Variants in UBE2O observed in about 807,000 individuals in gnomAD.
UBE2O encodes the protein (E3-independent) E2 ubiquitin-conjugating enzyme.
In UBE2O, 15 loss-of-function variants were observed where a neutral mutation model predicts 125.8. The observed-to-expected ratio is 0.12, with a 90% CI of 0.08 to 0.18. UBE2O has a LOEUF of 0.18. Among genes scored for constraint, UBE2O ranks in the 10% least tolerant of loss-of-function variants. UBE2O has a pLI of 1.00. For synonymous variants in UBE2O, 708 were observed against 703.2 expected (o/e 1.01, Z -0.11); for missense variants, 1,280 against 1,723.6 (o/e 0.74, Z 4.56).
chr17:76,427,894 C>CA (rs1567849512), intron 1 of UBE2O, among the ~76,000 whole-genome samples: 2 of 152,188 alleles, frequency 1.3e-5, no homozygotes, highest in Non-Finnish European at 2.9e-5. Flanking sequence ...CTCCATGCTT[C>CA]ACGTGTTCAT....
At chr17:76,423,305 G>A (rs1238017898) in intron 1 of UBE2O, among the ~76,000 whole-genome samples, 2 of 152,054 alleles carry the variant, frequency 1.3e-5, no homozygotes, top group East Asian at 3.9e-4. Context: ...CTTAAGCCCA[G>A]GAATTCGACG....
chr17:76,437,876 G>A (rs961917422), intron 1 of UBE2O, among the ~76,000 whole-genome samples: 13 of 152,206 alleles, frequency 8.5e-5, no homozygotes, highest in Admixed American at 1.3e-4. Context: ...GCAATTATGA[G>A]GTTATGAAAT....
chr17:76,413,952 C>T (rs539040407), intron 1 of UBE2O, among the ~76,000 whole-genome samples: 1 of 152,342 alleles, frequency 6.6e-6, no homozygotes, highest in African/African-American at 2.4e-5. Flanking sequence ...GCCCGAGTTT[C>T]CAGTTTGGAC....
At chr17:76,444,332 T>C (rs760188089) in intron 1 of UBE2O, among the ~76,000 whole-genome samples, 69 of 152,168 alleles carry the variant, frequency 4.5e-4, no homozygotes, top group African/African-American at 1.4e-3. Context: ...GAGGATCACT[T>C]GGGGTCAGGA....
In UBE2O at chr17:76,405,199, G is replaced by A; in HGVS notation, c.588+7C>T. 10 of 1,597,528 alleles carry A rather than the reference G, an allele frequency of 6.3e-6. No individual in the cohort carries two copies. Among genetic ancestry groups the A allele is most frequent in the South Asian group, 1.1e-5 (1 of 89,588 alleles). On this transcript the variant is annotated splice_region_variant and intron_variant, in intron 3 of 17. Transcript: ENST00000319380. The surrounding 1 kb of genome is among the most constrained non-coding windows in gnomAD (Gnocchi z 6.1). ...GAAAGGATGATGAGAAGACAGGGCC[G>A]GCTCACCCAGATGTGCTGCAGGTCC... is the stretch of plus-strand genomic sequence containing the variant.
chr17:76,423,721 T>A (rs1054439401), intron 1 of UBE2O, among the ~76,000 whole-genome samples: 1 of 147,318 alleles, frequency 6.8e-6, no homozygotes, highest in Non-Finnish European at 1.5e-5. Flanking sequence ...AATAAATAAA[T>A]AAATAAAAAA....
At chr17:76,406,207 T>A (rs903830929) in intron 1 of UBE2O, among the ~76,000 whole-genome samples, 2 of 152,224 alleles carry the variant, frequency 1.3e-5, no homozygotes, top group Non-Finnish European at 2.9e-5. Flanking sequence ...AGCACCTGAT[T>A]GTCTCTTTAC....
At chr17:76,416,933 G>C (rs1007439613) in intron 1 of UBE2O, among the ~76,000 whole-genome samples, 2 of 152,186 alleles carry the variant, frequency 1.3e-5, no homozygotes, top group East Asian at 1.9e-4. Flanking sequence ...GCTGCGGCTG[G>C]TCACATGGAG....
chr17:76,408,335 C>T (rs1053604863), intron 1 of UBE2O, among the ~76,000 whole-genome samples: 7 of 152,198 alleles, frequency 4.6e-5, no homozygotes, highest in Non-Finnish European at 1.0e-4. Flanking sequence ...TCACTGTCTT[C>T]GCCCATGAGG....
At chr17:76,436,396 A>C (rs535612613) in intron 1 of UBE2O, among the ~76,000 whole-genome samples, 4 of 152,220 alleles carry the variant, frequency 2.6e-5, no homozygotes, top group Non-Finnish European at 5.9e-5. Context: ...TTTTGTATTA[A>C]GTATATAAAT....
chr17:76,393,133 C>T (rs1179746231), intron 15 of UBE2O, among the ~76,000 whole-genome samples: 1 of 151,568 alleles, frequency 6.6e-6, no homozygotes, highest in African/African-American at 2.4e-5. Flanking sequence ...TGGTGCATAC[C>T]TACAGTCCCA....
intron 1 of UBE2O, among the ~76,000 whole-genome samples, chr17:76,449,962 A>G (rs2073210267): frequency 6.6e-6 from 1 of 151,872 alleles, no homozygotes; most frequent in South Asian, 2.1e-4. Flanking sequence ...CAAAACCATC[A>G]CTACTGTAGT....
chr17:76,429,190 G>A (rs545790415), intron 1 of UBE2O, among the ~76,000 whole-genome samples: 11 of 151,652 alleles, frequency 7.3e-5, no homozygotes, highest in South Asian at 4.2e-4. Context: ...ATGAGCCACC[G>A]CGTCCAGCCA....
intron 1 of UBE2O, among the ~76,000 whole-genome samples, chr17:76,434,404 A>G (rs1293808421): frequency 2.0e-5 from 3 of 152,162 alleles, no homozygotes. Context: ...ACGCGTAGGA[A>G]ACACAGTCCT....
chr17:76,414,486 G>A (rs984497536), intron 1 of UBE2O, among the ~76,000 whole-genome samples: 5 of 152,242 alleles, frequency 3.3e-5, no homozygotes, highest in African/African-American at 1.2e-4. Context: ...GGTGGGGGAA[G>A]GCAGGAGGAC....
intron 1 of UBE2O, among the ~76,000 whole-genome samples, chr17:76,441,576 T>C (rs1482003875): frequency 6.6e-6 from 1 of 152,136 alleles, no homozygotes; most frequent in Non-Finnish European, 1.5e-5. Context: ...TCAACGAGGT[T>C]TGGAAGGGCC....
In UBE2O at chr17:76,395,518, GGAAA is replaced by G. The variant is rs755451502; in HGVS notation, c.2946+203_2946+206del. 3.8e-6 allele frequency: 2 copies of G among 531,790 alleles called. No homozygotes were observed. The highest frequency in any genetic ancestry group is 6.5e-6 in the Non-Finnish European group (2 of 309,422). The allele number at this position is 531,790 out of a possible 1,614,324, so 32.9% of individuals were successfully genotyped here. On this transcript the variant is annotated intron_variant, in intron 15 of 17. Coordinates refer to ENST00000319380, the MANE Select transcript of UBE2O (RefSeq NM_022066.4). This position sits in a 1 kb window ranked among gnomAD's most constrained non-coding sequence, Gnocchi z 5.0. ...AGAAAGTAATTTTTTAAAGGAGGGAGGAAAGAAAGAACCATCTGGCCTGGACACA... is the reference window on the plus strand; with the variant it reads ...AGAAAGTAATTTTTTAAAGGAGGGAGGAAAGAACCATCTGGCCTGGACACA...
intron 1 of UBE2O, among the ~76,000 whole-genome samples, chr17:76,416,322 C>G (rs967716984): frequency 6.6e-6 from 1 of 152,056 alleles, no homozygotes; most frequent in East Asian, 1.9e-4. Context: ...TTGCTGGAAA[C>G]GCAGACTCTC....
intron 15 of UBE2O, among the ~76,000 whole-genome samples, chr17:76,393,586 C>A (rs764821937): frequency 6.6e-6 from 1 of 152,140 alleles, no homozygotes; most frequent in Non-Finnish European, 1.5e-5. Context: ...CCTGCTCCAA[C>A]CCTTATCCCC....
Sources: allele counts gnomAD v4.1 joint callset (sites outside exome capture counted in the v4.1 genomes callset), GRCh38; gene constraint gnomAD v4.1.1; non-coding constraint Gnocchi (gnomAD v3.1); transcripts MANE v1.5; gene names NCBI Gene and HGNC (gene_info 2026-07-23, HGNC 2026-07-21).